The following TTBK2 variants were observed in gnomAD, a reference collection of about 807,000 sequenced individuals.
TTBK2 encodes the protein tau-tubulin kinase 2.
A neutral mutation model predicts 110.8 loss-of-function variants in TTBK2; 28 were observed. The observed-to-expected ratio is 0.25, with a 90% CI of 0.19 to 0.35. TTBK2 has a LOEUF of 0.35. Ranked by LOEUF, TTBK2 falls within the 10% of genes least tolerant of loss-of-function variation. The probability of loss-of-function intolerance (pLI) is 1.00; values close to 1 mark genes in which losing one functional copy is unlikely to be tolerated. For synonymous variants in TTBK2, 532 were observed against 527.3 expected, an observed-to-expected ratio of 1.01 and a Z score of -0.12; for missense variants, 1,369 against 1,500.3, an observed-to-expected ratio of 0.91 and a Z score of 1.45.
chr15:42,872,442 A>G (rs528572416), intron 3 of TTBK2, among the ~76,000 whole-genome samples, 169 bp downstream of exon 3: 1 of 152,314 alleles, frequency 6.6e-6, no homozygotes, highest in African/African-American at 2.4e-5. Flanking sequence ...TTCTACTACT[A>G]CTAACTCATT....
chr15:42,919,362 C>A (rs977131922), intron 1 of TTBK2, among the ~76,000 whole-genome samples: 1 of 152,172 alleles, frequency 6.6e-6, no homozygotes, highest in Non-Finnish European at 1.5e-5. Context: ...CCCCTTCTAT[C>A]CCCAAATGAA....
rs116951895 is a variant in TTBK2 at position 42,854,625 on chromosome 15, T to C, written c.218-14192A>G. Reference sequence around the variant, plus strand: ...TACAATATTCTGAATTCCTAAAACATTAGACCAACCTATATGCAAGAGAAA... The same window carrying C: ...TACAATATTCTGAATTCCTAAAACACTAGACCAACCTATATGCAAGAGAAA... On this transcript the variant is annotated intron_variant, in intron 3 of 14. Coordinates refer to ENST00000267890, the MANE Select transcript of TTBK2 (RefSeq NM_173500.4). Among the ~76,000 whole-genome samples, 328 of 151,498 alleles carry C rather than the reference T, an allele frequency of 2.2e-3. 11 individuals are homozygous for C. The East Asian group carries it at 0.052, about 24-fold the overall frequency.
chr15:42,835,498 C>T (rs959710099), intron 4 of TTBK2, among the ~76,000 whole-genome samples: 7 of 151,874 alleles, frequency 4.6e-5, no homozygotes, highest in African/African-American at 1.5e-4. Context: ...TTTTTATCAA[C>T]AACAATAAAC....
intron 1 of TTBK2, among the ~76,000 whole-genome samples, chr15:42,915,219 A>G (rs1010736552): frequency 9.2e-5 from 14 of 152,236 alleles, no homozygotes; most frequent in African/African-American, 3.4e-4. Context: ...TGAAATCTCA[A>G]GCTGTTCAGC....
intron 3 of TTBK2, among the ~76,000 whole-genome samples, chr15:42,869,186 C>G (rs1369665410): frequency 6.6e-6 from 1 of 152,114 alleles, no homozygotes; most frequent in Non-Finnish European, 1.5e-5. Flanking sequence ...CTTCTGGGCT[C>G]AAGCGATTCT....
At chr15:42,748,589 T>C (rs2061825856) in intron 14 of TTBK2, among the ~76,000 whole-genome samples, 1 of 152,066 alleles carries the variant, frequency 6.6e-6, no homozygotes, top group African/African-American at 2.4e-5. Flanking sequence ...GCCTGGCTAA[T>C]TCTTGTAGAG....
chr15:42,787,544 T>C (rs1203920005), intron 10 of TTBK2, among the ~76,000 whole-genome samples: 3 of 152,204 alleles, frequency 2.0e-5, no homozygotes, highest in Non-Finnish European at 2.9e-5. Flanking sequence ...AACACAGTGC[T>C]GACATAGTTG....
chr15:42,800,818 G>A (rs777271336), intron 9 of TTBK2: 26 of 555,602 alleles, frequency 4.7e-5, no homozygotes, highest in Non-Finnish European at 6.4e-5. Context: ...GCAAGGGGGG[G>A]TCCCCAGGTA....
chr15:42,739,356 G>A lies in TTBK2; in HGVS notation c.*6439C>T, dbSNP rs1286584867. On this transcript the variant is annotated 3_prime_UTR_variant, in exon 15 of 15. Transcript: ENST00000267890. ...TCTTGTTCAACAAGAAAGAATTCTGGTTTGTGGCTGAATCTGATTTAACAG... is the reference window on the plus strand; with the variant it reads ...TCTTGTTCAACAAGAAAGAATTCTGATTTGTGGCTGAATCTGATTTAACAG... The A allele has an allele frequency of 5.3e-5, 8 of 152,330 alleles. No individual in the cohort carries two copies. The East Asian group carries it at 1.2e-3, about 22-fold the overall frequency. The allele number at this position is 152,330 out of a possible 1,614,324, so 9.4% of individuals were successfully genotyped here. A position where few individuals can be genotyped will look rare whatever the true frequency, so the allele number is the denominator to read the frequency against.
At chr15:42,828,585 C>T (rs1180966165) in intron 5 of TTBK2, among the ~76,000 whole-genome samples, 1 of 151,232 alleles carries the variant, frequency 6.6e-6, no homozygotes, top group East Asian at 1.9e-4. Flanking sequence ...TAACCGGGTG[C>T]GGTGGCGCGC....
intron 3 of TTBK2, among the ~76,000 whole-genome samples, chr15:42,870,369 T>C (rs979728903): frequency 4.6e-5 from 7 of 151,514 alleles, no homozygotes; most frequent in Non-Finnish European, 7.4e-5. Flanking sequence ...GAAAGGAAAA[T>C]ACTAGTAATG....
chr15:42,884,155 G>A (rs1486946735), intron 1 of TTBK2, among the ~76,000 whole-genome samples: 2 of 152,022 alleles, frequency 1.3e-5, no homozygotes, highest in Non-Finnish European at 2.9e-5. Flanking sequence ...ACAAATCCGT[G>A]GTTATAACTG....
Position 42,743,646 on chromosome 15 carries a change from CTATAA to C in TTBK2, c.*2144_*2148del. 2 of 152,182 alleles carry C rather than the reference CTATAA, an allele frequency of 1.3e-5. No homozygotes were observed. Among genetic ancestry groups the C allele is most frequent in the African/African-American group, 4.8e-5 (2 of 41,444 alleles). The allele number at this position is 152,182 out of a possible 1,614,324, so 9.4% of individuals were successfully genotyped here. A position where few individuals can be genotyped will look rare whatever the true frequency, so the allele number is the denominator to read the frequency against. On this transcript the variant is annotated 3_prime_UTR_variant, in exon 15 of 15. Coordinates refer to ENST00000267890, the MANE Select transcript of TTBK2 (RefSeq NM_173500.4). Reference sequence around the variant, plus strand: ...CATCATCCCAGTTTATCCACTCTAACTATAAGGAGAGAACTATGTGATTAACATGA... The same window carrying C: ...CATCATCCCAGTTTATCCACTCTAACGGAGAGAACTATGTGATTAACATGA...
At chr15:42,773,837 T>TCTAG (rs1889783294) in intron 13 of TTBK2, among the ~76,000 whole-genome samples, 2 of 150,822 alleles carry the variant, frequency 1.3e-5, no homozygotes, top group Admixed American at 6.6e-5. Context: ...AGTAGTTACC[T>TCTAG]CCCTCTAGCC....
intron 1 of TTBK2, among the ~76,000 whole-genome samples, chr15:42,902,530 A>T (rs950255813): frequency 6.6e-5 from 10 of 151,584 alleles, no homozygotes; most frequent in African/African-American, 1.7e-4. Context: ...TATGTATATT[A>T]AAAAAAAACC....
chr15:42,745,399 T>C lies in TTBK2; in HGVS notation c.*396A>G, dbSNP rs1485537041. On this transcript the variant is annotated 3_prime_UTR_variant, in exon 15 of 15. Transcript: ENST00000267890. ...AGGGTGGGAAAGTTTTGAATGAAAA[T>C]ATCAAACAAGAAGTTTCACTTTTGC... The C allele has an allele frequency of 8.0e-6, 2 of 250,090 alleles. No homozygotes were observed. Among genetic ancestry groups the C allele is most frequent in the African/African-American group, 4.5e-5 (2 of 44,114 alleles). The allele number at this position is 250,090 out of a possible 1,614,324, so 15.5% of individuals were successfully genotyped here.
At chr15:42,790,447 G>A (rs1467507144) in intron 10 of TTBK2, among the ~76,000 whole-genome samples, 1 of 151,768 alleles carries the variant, frequency 6.6e-6, no homozygotes, top group African/African-American at 2.4e-5. Context: ...ACCACACCCA[G>A]CTAATTTTTG....
At chr15:42,820,819 C>G (rs1477360307) in intron 6 of TTBK2, among the ~76,000 whole-genome samples, 1 of 151,782 alleles carries the variant, frequency 6.6e-6, no homozygotes. Context: ...TGGGCAACAT[C>G]ATAGTGAGAC....
intron 9 of TTBK2, among the ~76,000 whole-genome samples, chr15:42,795,562 C>G (rs1018368783): frequency 3.3e-5 from 5 of 152,116 alleles, no homozygotes; most frequent in African/African-American, 1.2e-4. Flanking sequence ...TCATCTTGTA[C>G]ATTTCCTGCC....
Sources: gnomAD v4.1 joint callset for allele counts (sites outside exome capture counted in the v4.1 genomes callset) on GRCh38, gnomAD v4.1.1 for gene constraint, MANE v1.5 for transcripts, NCBI Gene and HGNC (gene_info 2026-07-23, HGNC 2026-07-21) for gene names.